The following KLHL13 variants were observed in gnomAD, a reference collection of about 807,000 sequenced individuals.
The protein encoded by KLHL13 is kelch-like protein 13.
Under a neutral mutation model 37.1 loss-of-function variants are expected in KLHL13, and 10 were observed. That is an observed-to-expected ratio of 0.27 (90% CI 0.17 to 0.46). The LOEUF is 0.46. Ranked by LOEUF, KLHL13 falls within the 20% of genes least tolerant of loss-of-function variation. The probability of loss-of-function intolerance (pLI) is 1.00; values close to 1 mark genes in which losing one functional copy is unlikely to be tolerated. For missense variants in KLHL13, 360 were observed against 509.3 expected, an observed-to-expected ratio of 0.71 and a Z score of 2.82; for synonymous variants, 163 against 181.2, an observed-to-expected ratio of 0.90 and a Z score of 0.81.
At chrX:118,043,279 T>C (rs1297751798) in intron 1 of KLHL13, among the ~76,000 whole-genome samples, 1 of 111,774 alleles carries the variant, frequency 8.9e-6, no homozygotes, top group Non-Finnish European at 1.9e-5. Flanking sequence ...CAGGATCAGA[T>C]GGCTTCACTG....
chrX:118,090,335 G>T (rs1276882810), intron 1 of KLHL13, among the ~76,000 whole-genome samples: 1 of 110,827 alleles, frequency 9.0e-6, no homozygotes, highest in African/African-American at 3.3e-5. Context: ...GAGTGAACAG[G>T]CAACCTACAG....
chrX:117,999,234 G>A (rs1008495934), intron 1 of KLHL13, among the ~76,000 whole-genome samples: 14 of 111,667 alleles, frequency 1.3e-4, no homozygotes, highest in Non-Finnish European at 2.3e-4. Flanking sequence ...CTATAAAGAC[G>A]CATGCACACG....
At chrX:117,972,749 G>A in exon 1 of KLHL13, 1 of 1,207,133 alleles carries the variant, frequency 8.3e-7, no homozygotes, top group Admixed American at 2.2e-5. Context: ...TGGAGAAAGT[G>A]GAGTTGACCT....
At chrX:118,110,831 T>C (rs756008278) in intron 1 of KLHL13, among the ~76,000 whole-genome samples, 1 of 111,851 alleles carries the variant, frequency 8.9e-6, no homozygotes, top group East Asian at 2.8e-4. Context: ...TAAAGAAGCA[T>C]AGGTTGGTTT....
At chrX:118,078,202 G>A (rs1200447348) in intron 1 of KLHL13, among the ~76,000 whole-genome samples, 2 of 111,560 alleles carry the variant, frequency 1.8e-5, no homozygotes, top group African/African-American at 6.5e-5. Flanking sequence ...AATCACAAAT[G>A]GTGGTCCAAT....
At chrX:118,092,584 A>T (rs2055149860) in intron 1 of KLHL13, among the ~76,000 whole-genome samples, 1 of 112,057 alleles carries the variant, frequency 8.9e-6, no homozygotes, top group African/African-American at 3.2e-5. Flanking sequence ...ATGATAAAAG[A>T]GGGTATCTTG....
At chrX:117,903,250 CA>C (rs1930258273) in intron 5 of KLHL13, among the ~76,000 whole-genome samples, 1 of 110,045 alleles carries the variant, frequency 9.1e-6, no homozygotes, top group African/African-American at 3.3e-5. Flanking sequence ...TCATCAAATT[CA>C]CTACGCAAAG....
At position 118,103,569 on chromosome X, in the gene KLHL13, C is replaced by A. The variant is rs190962370; in HGVS notation, c.-56+12939G>T. Among the ~76,000 whole-genome samples the A allele has an allele frequency of 8.8e-3, 981 of 111,832 alleles. 12 individuals are homozygous for A. The highest frequency in any genetic ancestry group is 0.03 in the African/African-American group (926 of 30,797). ...AAAAATTGTAAGAAGAAAAAGAGAG[C>A]AACCTAAGATTAACACATTTTAAAA... On this transcript the variant is annotated intron_variant, in intron 1 of 6. Coordinates refer to the KLHL13 transcript ENST00000371882.
chrX:118,089,666 GAAAA>G (rs1275476595), intron 1 of KLHL13, among the ~76,000 whole-genome samples: 81 of 103,984 alleles, frequency 7.8e-4, no homozygotes, highest in African/African-American at 2.7e-3. Context: ...AAGAAAGAAA[GAAAA>G]AAGAAAGTTT....
chrX:118,062,547 A>T lies in KLHL13; in HGVS notation c.-56+53961T>A, dbSNP rs776060118. Among the ~76,000 whole-genome samples, 7 of 106,886 alleles carry T rather than the reference A, an allele frequency of 6.5e-5. No homozygotes were observed. In the East Asian group the frequency reaches 2.0e-3, roughly 31 times the overall value. 92.8% of individuals were successfully genotyped at this position (106,886 alleles called of 115,157 possible). On this transcript the variant is annotated intron_variant, in intron 1 of 6. Coordinates refer to the KLHL13 transcript ENST00000371882. ...CAGACATTAAAAAACTTTTTGTTTT[A>T]AAAAAAAAAGAAGTAGGTACAAGCA...
At chrX:117,969,155 T>A (rs769353064) in intron 1 of KLHL13, among the ~76,000 whole-genome samples, 1 of 111,698 alleles carries the variant, frequency 9.0e-6, no homozygotes, top group Admixed American at 9.6e-5. Context: ...AGGGTCTGTC[T>A]TGCTAGAATT....
chrX:117,980,781 A>T (rs1360672170), intron 1 of KLHL13, among the ~76,000 whole-genome samples: 1 of 111,763 alleles, frequency 8.9e-6, no homozygotes, highest in African/African-American at 3.2e-5. Context: ...ACTGTCATCT[A>T]AAAATAAAAG....
intron 1 of KLHL13, among the ~76,000 whole-genome samples, chrX:118,089,662 GAAAGAAAA>G (rs2055104729): frequency 3.9e-5 from 4 of 103,233 alleles, no homozygotes; most frequent in African/African-American, 1.4e-4. Flanking sequence ...AAGAAAGAAA[GAAAGAAAA>G]AAGAAAGTTT....
intron 1 of KLHL13, among the ~76,000 whole-genome samples, chrX:118,031,239 T>C (rs1041518205): frequency 1.0e-4 from 11 of 109,061 alleles, no homozygotes; most frequent in Non-Finnish European, 1.7e-4. Context: ...GAAACTTCCA[T>C]TGCAATAAGT....
intron 1 of KLHL13, among the ~76,000 whole-genome samples, chrX:118,040,296 G>A (rs939187263): frequency 2.7e-5 from 3 of 111,589 alleles, no homozygotes; most frequent in African/African-American, 9.8e-5. Context: ...AGAGAGACAG[G>A]GATATGTCAC....
chrX:118,056,515 G>A (rs913771686), intron 1 of KLHL13, among the ~76,000 whole-genome samples: 9 of 111,372 alleles, frequency 8.1e-5, no homozygotes, highest in East Asian at 2.8e-4. Context: ...CTATTGTATC[G>A]GACAGGAAAG....
At chrX:118,035,530 CA>C (rs1039775598) in intron 1 of KLHL13, among the ~76,000 whole-genome samples, 3 of 108,667 alleles carry the variant, frequency 2.8e-5, no homozygotes, top group Non-Finnish European at 3.8e-5. Flanking sequence ...AGGCCTTTGA[CA>C]AAATTCAACA....
chrX:117,984,799 T>C (rs770873007), intron 1 of KLHL13, among the ~76,000 whole-genome samples: 49 of 110,791 alleles, frequency 4.4e-4, no homozygotes, highest in Non-Finnish European at 7.8e-4. Context: ...TTAAAATGCA[T>C]CAAAATGTCT....
intron 1 of KLHL13, among the ~76,000 whole-genome samples, chrX:118,075,944 T>A (rs1373164192): frequency 2.7e-5 from 3 of 111,629 alleles, no homozygotes; most frequent in African/African-American, 6.5e-5. Context: ...TTTCAAATAC[T>A]TCATTAAAAT....
Sources: gnomAD v4.1 joint callset for allele counts (sites outside exome capture counted in the v4.1 genomes callset) on GRCh38, gnomAD v4.1.1 for gene constraint, MANE v1.5 for transcripts, NCBI Gene and HGNC (gene_info 2026-07-23, HGNC 2026-07-21) for gene names.